CLASP2: variants seen among roughly 807,000 people sequenced by gnomAD.
CLASP2 encodes cytoplasmic linker associated protein 2.
CLASP2 carries 47 observed loss-of-function variants against 194.4 expected under a neutral mutation model. The observed-to-expected ratio is 0.24, with a 90% CI of 0.19 to 0.31. The LOEUF is 0.31. CLASP2 is among the 10% of genes least tolerant of loss of function. The probability of loss-of-function intolerance (pLI) is 1.00; values close to 1 mark genes in which losing one functional copy is unlikely to be tolerated. For missense variants in CLASP2, 1,445 were observed against 1,823.6 expected (o/e 0.79, Z 3.78); for synonymous variants, 619 against 633.5 (o/e 0.98, Z 0.34).
intron 7 of CLASP2, among the ~76,000 whole-genome samples, chr3:33,645,935 C>G (rs1284987303): frequency 1.4e-5 from 1 of 72,158 alleles, no homozygotes; most frequent in Non-Finnish European, 2.8e-5. Flanking sequence ...AGCATACACA[C>G]ACACACACAC....
chr3:33,592,717 A>C, intron 20 of CLASP2: 1 of 589,740 alleles, frequency 1.7e-6, no homozygotes, highest in Non-Finnish European at 3.0e-6. Context: ...GAATCAAACT[A>C]AAAGATTTAC....
intron 1 of CLASP2, among the ~76,000 whole-genome samples, chr3:33,708,401 T>TTTGTGACAGGAA (rs2092800329): frequency 1.3e-5 from 2 of 150,856 alleles, no homozygotes; most frequent in African/African-American, 4.9e-5. Flanking sequence ...TTGTCACAAA[T>TTTGTGACAGGAA]GGCAGGATTT....
intron 20 of CLASP2, among the ~76,000 whole-genome samples, chr3:33,594,483 C>T (rs6800291): frequency 6.6e-6 from 1 of 151,588 alleles, no homozygotes; most frequent in Non-Finnish European, 1.5e-5. Context: ...GTGACCAACT[C>T]CCCAGTTACT....
chr3:33,713,199 T>G (rs948911275), intron 1 of CLASP2, among the ~76,000 whole-genome samples: 1 of 152,104 alleles, frequency 6.6e-6, no homozygotes, highest in African/African-American at 2.4e-5. Flanking sequence ...GTGATTGTCC[T>G]TTATAGTACA....
chr3:33,520,002 A>G (rs1451320184), intron 34 of CLASP2, among the ~76,000 whole-genome samples: 3 of 152,078 alleles, frequency 2.0e-5, no homozygotes, highest in Admixed American at 2.0e-4. Flanking sequence ...GATATTTTTG[A>G]TATGTTATCT....
chr3:33,611,447 A>G (rs1291297611), intron 13 of CLASP2, among the ~76,000 whole-genome samples: 1 of 152,082 alleles, frequency 6.6e-6, no homozygotes, highest in Non-Finnish European at 1.5e-5. Flanking sequence ...ATTTTCTTTC[A>G]GAGAAACTCT....
intron 12 of CLASP2, among the ~76,000 whole-genome samples, chr3:33,613,799 C>G (rs2075635562): frequency 6.6e-6 from 1 of 152,184 alleles, no homozygotes; most frequent in Non-Finnish European, 1.5e-5. Flanking sequence ...TAAAGGAGGT[C>G]TTACCTACCA....
At chr3:33,588,314 GA>G (rs1471807489) in intron 21 of CLASP2, among the ~76,000 whole-genome samples, 1 of 152,146 alleles carries the variant, frequency 6.6e-6, no homozygotes, top group Non-Finnish European at 1.5e-5. Context: ...CAGAGTTGTT[GA>G]AAAGTGTCAT....
intron 6 of CLASP2, among the ~76,000 whole-genome samples, chr3:33,674,529 G>C (rs903449265): frequency 3.3e-5 from 5 of 151,758 alleles, no homozygotes; most frequent in African/African-American, 1.2e-4. Context: ...AAAAGAACTA[G>C]AAAAGCAAGA....
intron 2 of CLASP2, among the ~76,000 whole-genome samples, chr3:33,695,502 T>C (rs1575645950): frequency 6.6e-6 from 1 of 152,086 alleles, no homozygotes; most frequent in African/African-American, 2.4e-5. Context: ...GATGCTTCTG[T>C]TGAAAAGATA....
chr3:33,653,676 A>T (rs1304971156), intron 7 of CLASP2, among the ~76,000 whole-genome samples: 1 of 152,180 alleles, frequency 6.6e-6, no homozygotes, highest in East Asian at 1.9e-4. Context: ...ATGTGCACAT[A>T]CACACACATC....
intron 20 of CLASP2, chr3:33,592,802 G>T: frequency 2.9e-6 from 1 of 340,304 alleles, no homozygotes; most frequent in Non-Finnish European, 5.5e-6. Flanking sequence ...TTTCTCAATT[G>T]GTAGTTGCAA....
chr3:33,571,650 A>C (rs2063797609), intron 25 of CLASP2, among the ~76,000 whole-genome samples: 1 of 150,982 alleles, frequency 6.6e-6, no homozygotes, highest in African/African-American at 2.4e-5. Context: ...AAAAAAAACC[A>C]AAAAAACAAA....
chr3:33,716,357 G>C (rs953279798), intron 1 of CLASP2, among the ~76,000 whole-genome samples: 1 of 152,210 alleles, frequency 6.6e-6, no homozygotes. Context: ...AGGGCTTAGA[G>C]GCATAACAGA....
chr3:33,612,388 G>C (rs1410927894), intron 12 of CLASP2, among the ~76,000 whole-genome samples: 1 of 152,118 alleles, frequency 6.6e-6, no homozygotes, highest in Non-Finnish European at 1.5e-5. Context: ...GCATGTACTG[G>C]CCACATTTTC....
chr3:33,626,266 A>G (rs1374806761), intron 10 of CLASP2, among the ~76,000 whole-genome samples: 6 of 152,138 alleles, frequency 3.9e-5, no homozygotes, highest in Admixed American at 3.3e-4. Context: ...ATGATCAGCC[A>G]GATTGGGACC....
At chr3:33,710,889 C>T (rs1473134727) in intron 1 of CLASP2, among the ~76,000 whole-genome samples, 1 of 152,166 alleles carries the variant, frequency 6.6e-6, no homozygotes, top group Non-Finnish European at 1.5e-5. Context: ...GAGCTGAGAT[C>T]ACGCCACTGC....
chr3:33,648,132 A>T (rs1036682076), intron 7 of CLASP2, among the ~76,000 whole-genome samples: 1 of 152,160 alleles, frequency 6.6e-6, no homozygotes, highest in African/African-American at 2.4e-5. Context: ...AAAATAAAAC[A>T]AGTGGATACG....
chr3:33,674,356 A>T (rs9876930), intron 6 of CLASP2, among the ~76,000 whole-genome samples: 2 of 151,676 alleles, frequency 1.3e-5, no homozygotes, highest in East Asian at 1.9e-4. Context: ...GGGTACATAA[A>T]GAAATGAAGG....
Sources: gnomAD v4.1 joint callset for allele counts (sites outside exome capture counted in the v4.1 genomes callset) on GRCh38, gnomAD v4.1.1 for gene constraint, MANE v1.5 for transcripts, NCBI Gene and HGNC (gene_info 2026-07-23, HGNC 2026-07-21) for gene names.